The following AKAP19 variants were observed in gnomAD, a reference collection of about 807,000 sequenced individuals.
AKAP19 encodes the protein A-kinase anchoring protein 19.
At chr2:190,077,345 G>T in the AKAP19 span, among the ~76,000 whole-genome samples, 1 of 151,690 alleles carries the variant, frequency 6.6e-6, no homozygotes, top group African/African-American at 2.4e-5. Context: ...GAGTAGTTGG[G>T]ATTACAGGTG....
chr2:190,179,306 C>G, the AKAP19 span, among the ~76,000 whole-genome samples: 1 of 151,856 alleles, frequency 6.6e-6, no homozygotes, highest in Non-Finnish European at 1.5e-5. This position sits in a 1 kb window ranked among gnomAD's most constrained non-coding sequence, Gnocchi z 6.0. Flanking sequence ...CACTCAGGAG[C>G]TGAGGCAGGA....
At chr2:190,037,757 G>A in the AKAP19 span, among the ~76,000 whole-genome samples, 1 of 152,144 alleles carries the variant, frequency 6.6e-6, no homozygotes, top group Non-Finnish European at 1.5e-5. Context: ...GTCTACCGGG[G>A]TTCAATTATA....
the AKAP19 span, among the ~76,000 whole-genome samples, chr2:189,933,235 G>T: frequency 6.6e-6 from 1 of 152,214 alleles, no homozygotes; most frequent in Non-Finnish European, 1.5e-5. Context: ...TCATGTAACA[G>T]AAGTATCTCT....
the AKAP19 span, among the ~76,000 whole-genome samples, chr2:190,080,616 G>A: frequency 3.3e-5 from 5 of 152,216 alleles, no homozygotes; most frequent in African/African-American, 1.2e-4. Flanking sequence ...CCAGGCAAAG[G>A]ACATAGGTCA....
the AKAP19 span, among the ~76,000 whole-genome samples, chr2:189,892,486 C>G: frequency 2.0e-5 from 3 of 152,350 alleles, no homozygotes; most frequent in African/African-American, 4.8e-5. Flanking sequence ...TTCTAACAGG[C>G]CCCTCTGATG....
chr2:190,134,384 T>C, the AKAP19 span, among the ~76,000 whole-genome samples: 1 of 152,174 alleles, frequency 6.6e-6, no homozygotes, highest in African/African-American at 2.4e-5. Context: ...AGGATTAACA[T>C]AGAACTGGTT....
the AKAP19 span, among the ~76,000 whole-genome samples, chr2:190,192,452 C>CTCTGTGTGTGTGTGTGTGTGTG: frequency 2.8e-5 from 4 of 145,258 alleles, no homozygotes; most frequent in African/African-American, 1.0e-4. Context: ...AATTCAGAAT[C>CTCTGTGTGTGTGTGTGTGTGTG]TGTGTGTGTG....
the AKAP19 span, among the ~76,000 whole-genome samples, chr2:190,138,890 T>G: frequency 6.6e-6 from 1 of 152,212 alleles, no homozygotes; most frequent in Non-Finnish European, 1.5e-5. Flanking sequence ...CGTAGACCCT[T>G]ATTTGGGGAT....
At chr2:190,178,565 C>A in the AKAP19 span, among the ~76,000 whole-genome samples, 1 of 152,186 alleles carries the variant, frequency 6.6e-6, no homozygotes, top group Non-Finnish European at 1.5e-5. This position sits in a 1 kb window ranked among gnomAD's most constrained non-coding sequence, Gnocchi z 6.3. Flanking sequence ...GTCATCCCTG[C>A]CAGACCTGAC....
the AKAP19 span, among the ~76,000 whole-genome samples, chr2:189,889,557 C>T: frequency 6.6e-6 from 1 of 152,252 alleles, no homozygotes; most frequent in Non-Finnish European, 1.5e-5. Flanking sequence ...CTGTCTGGTC[C>T]TGGGCTTTTT....
chr2:190,098,029 T>C, the AKAP19 span, among the ~76,000 whole-genome samples: 1 of 152,156 alleles, frequency 6.6e-6, no homozygotes, highest in Non-Finnish European at 1.5e-5. Context: ...ACTGAAGTCT[T>C]AAACCCCCCA....
At chr2:189,991,495 T>C in the AKAP19 span, among the ~76,000 whole-genome samples, 1 of 152,224 alleles carries the variant, frequency 6.6e-6, no homozygotes, top group African/African-American at 2.4e-5. Context: ...TGTATATCTC[T>C]TTTGAGAACT....
At chr2:189,895,845 A>G in the AKAP19 span, among the ~76,000 whole-genome samples, 1 of 152,044 alleles carries the variant, frequency 6.6e-6, no homozygotes, top group African/African-American at 2.4e-5. Context: ...AGATCAGTTT[A>G]GAAAATCATA....
the AKAP19 span, among the ~76,000 whole-genome samples, chr2:189,961,811 C>A: frequency 1.9e-4 from 29 of 151,790 alleles, no homozygotes; most frequent in Non-Finnish European, 7.4e-5. Flanking sequence ...ACTCGGGAGG[C>A]TGAGGCAGGA....
chr2:190,130,906 A>G, the AKAP19 span, among the ~76,000 whole-genome samples: 1 of 152,222 alleles, frequency 6.6e-6, no homozygotes, highest in African/African-American at 2.4e-5. Context: ...GGTATTTGCT[A>G]TATTTGTTGT....
the AKAP19 span, among the ~76,000 whole-genome samples, chr2:190,101,646 A>G: frequency 6.6e-6 from 1 of 151,978 alleles, no homozygotes; most frequent in Non-Finnish European, 1.5e-5. Flanking sequence ...ATATATATGT[A>G]CTCAACATTG....
the AKAP19 span, among the ~76,000 whole-genome samples, chr2:190,194,144 T>C: frequency 4.6e-5 from 7 of 152,324 alleles, no homozygotes; most frequent in Middle Eastern, 6.8e-3. Context: ...TTTAAGCCTT[T>C]GAAATCTGCT....
chr2:190,149,208 C>T, the AKAP19 span, among the ~76,000 whole-genome samples: 1 of 152,236 alleles, frequency 6.6e-6, no homozygotes, highest in African/African-American at 2.4e-5. Context: ...GGTGATCCAC[C>T]TGCCTCAGCC....
chr2:189,928,770 G>A, the AKAP19 span, among the ~76,000 whole-genome samples: 1 of 152,056 alleles, frequency 6.6e-6, no homozygotes, highest in Non-Finnish European at 1.5e-5. Flanking sequence ...TCATGACACT[G>A]TGTTTTGCAT....
Sources: allele counts gnomAD v4.1 joint callset (sites outside exome capture counted in the v4.1 genomes callset), GRCh38; gene constraint gnomAD v4.1.1; non-coding constraint Gnocchi (gnomAD v3.1); transcripts MANE v1.5; gene names NCBI Gene and HGNC (gene_info 2026-07-23, HGNC 2026-07-21).